The following LRP1B variants were observed in gnomAD, a reference collection of about 807,000 sequenced individuals.
LRP1B encodes LDL receptor related protein 1B.
In LRP1B, 217 loss-of-function variants were observed where a neutral mutation model predicts 556.6. That is an observed-to-expected ratio of 0.39 (90% CI 0.35 to 0.44). LRP1B has a LOEUF of 0.44. Ranked by LOEUF, LRP1B falls within the 20% of genes least tolerant of loss-of-function variation. The pLI is 1.00. For synonymous variants in LRP1B, 2,047 were observed against 1,865.8 expected, an observed-to-expected ratio of 1.10 and a Z score of -2.50; for missense variants, 5,053 against 5,620.8, an observed-to-expected ratio of 0.90 and a Z score of 3.23.
chr2:140,903,655 A>T (rs535713531), intron 22 of LRP1B, among the ~76,000 whole-genome samples: 158 of 152,196 alleles, frequency 1.0e-3, no homozygotes, highest in Non-Finnish European at 2.0e-3. Context: ...ACACTTGTAC[A>T]GTCCATTTTG....
chr2:141,982,842 T>C (rs1702079645), intron 1 of LRP1B, among the ~76,000 whole-genome samples: 1 of 152,180 alleles, frequency 6.6e-6, no homozygotes, highest in African/African-American at 2.4e-5. Flanking sequence ...AGTTTATATT[T>C]AGAACAATGT....
At chr2:141,781,234 G>T (rs992914239) in intron 2 of LRP1B, among the ~76,000 whole-genome samples, 1 of 152,076 alleles carries the variant, frequency 6.6e-6, no homozygotes, top group Non-Finnish European at 1.5e-5. Context: ...TTGAGACAAG[G>T]TATGGTAACT....
chr2:141,577,530 T>A (rs751630087), intron 2 of LRP1B, among the ~76,000 whole-genome samples: 1 of 152,160 alleles, frequency 6.6e-6, no homozygotes, highest in Non-Finnish European at 1.5e-5. Flanking sequence ...GGAGTAATGA[T>A]CACCGTACCA....
chr2:141,716,001 G>A (rs949090492), intron 2 of LRP1B, among the ~76,000 whole-genome samples: 1 of 152,140 alleles, frequency 6.6e-6, no homozygotes, highest in African/African-American at 2.4e-5. Context: ...CAAGGGACTG[G>A]AATTCAGATA....
At chr2:140,966,110 G>T (rs1696212959) in intron 18 of LRP1B, among the ~76,000 whole-genome samples, 1 of 152,182 alleles carries the variant, frequency 6.6e-6, no homozygotes, top group South Asian at 2.1e-4. Context: ...TCTAGTTCTA[G>T]ATCCTTGAGG....
intron 41 of LRP1B, among the ~76,000 whole-genome samples, chr2:140,682,675 CGTGT>C (rs112723393): frequency 3.8e-4 from 57 of 149,544 alleles, no homozygotes; most frequent in East Asian, 1.2e-3. Context: ...GAGAGTATTG[CGTGT>C]GTGTGTGTGT....
At chr2:141,879,699 T>C (rs1226832840) in intron 1 of LRP1B, among the ~76,000 whole-genome samples, 1 of 151,786 alleles carries the variant, frequency 6.6e-6, no homozygotes, top group Non-Finnish European at 1.5e-5. Context: ...GTTTCCAAAA[T>C]TAAAGAAAAA....
chr2:141,464,594 A>ATTTTTTTTTT (rs1559084708), intron 3 of LRP1B, among the ~76,000 whole-genome samples: 17 of 34,770 alleles, frequency 4.9e-4, no homozygotes, highest in African/African-American at 1.1e-3. Flanking sequence ...GTATATATAT[A>ATTTTTTTTTT]TATATATATA....
intron 37 of LRP1B, among the ~76,000 whole-genome samples, chr2:140,705,241 G>A (rs1044355041): frequency 6.6e-6 from 1 of 151,906 alleles, no homozygotes; most frequent in Non-Finnish European, 1.5e-5. Context: ...CCAAAAAACA[G>A]TCCTGGCACA....
intron 86 of LRP1B, among the ~76,000 whole-genome samples, chr2:140,257,553 AAT>A (rs1681751650): frequency 6.6e-6 from 1 of 152,142 alleles, no homozygotes; most frequent in South Asian, 2.1e-4. Context: ...TGGACAGAAA[AAT>A]ATGATATGTG....
chr2:141,242,195 G>A (rs1352991897), intron 5 of LRP1B, among the ~76,000 whole-genome samples: 1 of 151,990 alleles, frequency 6.6e-6, no homozygotes, highest in South Asian at 2.1e-4. Flanking sequence ...ATACTATGTG[G>A]CAGAGAATTC....
chr2:140,728,250 T>C (rs944304726), intron 35 of LRP1B, among the ~76,000 whole-genome samples: 2 of 152,126 alleles, frequency 1.3e-5, no homozygotes, highest in Non-Finnish European at 2.9e-5. Context: ...CTGTTTTTAG[T>C]CTTCAAAGCA....
intron 66 of LRP1B, among the ~76,000 whole-genome samples, chr2:140,433,842 T>C (rs1344259106): frequency 6.6e-6 from 1 of 151,912 alleles, no homozygotes; most frequent in African/African-American, 2.4e-5. Context: ...TTTCTTCTTT[T>C]TTTTTCTCAA....
At chr2:140,846,773 G>A (rs192501517) in intron 29 of LRP1B, among the ~76,000 whole-genome samples, 4 of 152,100 alleles carry the variant, frequency 2.6e-5, no homozygotes, top group South Asian at 2.1e-4. Flanking sequence ...AGAAGAGAAA[G>A]GTTTCCACAG....
intron 60 of LRP1B, among the ~76,000 whole-genome samples, chr2:140,466,297 C>T (rs1687546739): frequency 6.6e-6 from 1 of 151,902 alleles, no homozygotes; most frequent in South Asian, 2.1e-4. Context: ...TGCCATTTCA[C>T]CAGTAACATG....
intron 1 of LRP1B, among the ~76,000 whole-genome samples, chr2:141,897,792 A>G (rs754779241): frequency 1.3e-5 from 2 of 152,152 alleles, no homozygotes; most frequent in African/African-American, 2.4e-5. Context: ...TCACCAGAAT[A>G]TTCAAAACAA....
At chr2:141,320,253 C>T (rs536172164) in intron 3 of LRP1B, among the ~76,000 whole-genome samples, 14 of 152,022 alleles carry the variant, frequency 9.2e-5, no homozygotes, top group Non-Finnish European at 1.8e-4. Context: ...TTATGCAAAC[C>T]TTTCTTACTT....
At chr2:140,709,169 A>T (rs773074444) in intron 37 of LRP1B, among the ~76,000 whole-genome samples, 2 of 152,116 alleles carry the variant, frequency 1.3e-5, no homozygotes, top group Non-Finnish European at 2.9e-5. Flanking sequence ...TTACAGTCAC[A>T]GAAATACAGA....
intron 2 of LRP1B, among the ~76,000 whole-genome samples, chr2:141,700,017 T>C (rs1297900417): frequency 1.3e-5 from 2 of 151,266 alleles, no homozygotes. Flanking sequence ...CATATGTAAA[T>C]ATGAGGTTTA....
Sources: allele counts gnomAD v4.1 joint callset (sites outside exome capture counted in the v4.1 genomes callset), GRCh38; gene constraint gnomAD v4.1.1; transcripts MANE v1.5; gene names NCBI Gene and HGNC (gene_info 2026-07-23, HGNC 2026-07-21).